The following SKAP2 variants were observed in gnomAD, a reference collection of about 807,000 sequenced individuals.
SKAP2 encodes the protein src kinase-associated phosphoprotein 2.
A neutral mutation model predicts 54.9 loss-of-function variants in SKAP2; 28 were observed. That is an observed-to-expected ratio of 0.51 (90% CI 0.38 to 0.70). The LOEUF is 0.70. SKAP2 is among the 30% of genes least tolerant of loss of function. The pLI is 0.00. For synonymous variants in SKAP2, 137 were observed against 134.3 expected, an observed-to-expected ratio of 1.02 and a Z score of -0.14; for missense variants, 356 against 424.1, an observed-to-expected ratio of 0.84 and a Z score of 1.41.
At chr7:26,758,474 T>C (rs984389881) in intron 4 of SKAP2, among the ~76,000 whole-genome samples, 2 of 152,212 alleles carry the variant, frequency 1.3e-5, no homozygotes, top group African/African-American at 4.8e-5. Flanking sequence ...ACTTTGAGAA[T>C]GTTCACCTAC....
intron 9 of SKAP2, among the ~76,000 whole-genome samples, chr7:26,700,992 C>G (rs1191773547): frequency 6.6e-6 from 1 of 152,216 alleles, no homozygotes; most frequent in Admixed American, 6.5e-5. Context: ...CTCTGGGAAG[C>G]AGCTGGCCTC....
At chr7:26,752,210 T>C (rs940802738) in intron 4 of SKAP2, among the ~76,000 whole-genome samples, 1 of 152,104 alleles carries the variant, frequency 6.6e-6, no homozygotes, top group African/African-American at 2.4e-5. Context: ...CAATAAATTA[T>C]ATGAGCCATT....
chr7:26,779,640 TC>T (rs1783384648), intron 4 of SKAP2, among the ~76,000 whole-genome samples: 1 of 152,060 alleles, frequency 6.6e-6, no homozygotes, highest in South Asian at 2.1e-4. Flanking sequence ...GGGAAAATGT[TC>T]ATGCACGACT....
At chr7:26,761,649 A>G (rs1414289308) in intron 4 of SKAP2, among the ~76,000 whole-genome samples, 1 of 152,114 alleles carries the variant, frequency 6.6e-6, no homozygotes, top group Non-Finnish European at 1.5e-5. Context: ...CACCTGTAAT[A>G]GCACTTTGGG....
In SKAP2 at chr7:26,764,710, CAGTA is replaced by C. The variant is rs1484373160; in HGVS notation, c.308-24750_308-24747del. Reference sequence around the variant, plus strand: ...GCTGCACCCATCAACCCATCATCTACAGTAAGTATTTCTCCTAATATTATCTAAC... The same window carrying C: ...GCTGCACCCATCAACCCATCATCTACAGTATTTCTCCTAATATTATCTAAC... On this transcript the variant is annotated intron_variant, in intron 4 of 12. Transcript: ENST00000345317. Among the ~76,000 whole-genome samples, 4 of 152,074 alleles carry C rather than the reference CAGTA, an allele frequency of 2.6e-5. No individual in the cohort carries two copies. The East Asian group carries it at 7.7e-4, about 29-fold the overall frequency.
intron 4 of SKAP2, among the ~76,000 whole-genome samples, chr7:26,821,637 C>T (rs766542115): frequency 3.3e-5 from 5 of 152,280 alleles, no homozygotes; most frequent in Non-Finnish European, 5.9e-5. Flanking sequence ...TGACTGGATT[C>T]TCAATACTCC....
At position 26,849,775 on chromosome 7, in the gene SKAP2, T is replaced by C. The variant is rs986487853; in HGVS notation, c.199+4362A>G. On this transcript the variant is annotated intron_variant, in intron 3 of 12. Coordinates refer to ENST00000345317, the MANE Select transcript of SKAP2 (RefSeq NM_003930.5). The stretch of plus-strand genomic sequence containing the variant: ...AACATTTGACTAATGCTAATAAATA[T>C]GCCCTTCTTTTAATAATTGATCATT... Among the ~76,000 whole-genome samples, 4 of 151,830 alleles carry C rather than the reference T, an allele frequency of 2.6e-5. 1 individual carries two copies.
At chr7:26,741,196 G>C (rs1176391378) in intron 4 of SKAP2, among the ~76,000 whole-genome samples, 1 of 152,022 alleles carries the variant, frequency 6.6e-6, no homozygotes, top group Non-Finnish European at 1.5e-5. Flanking sequence ...AGTGACTATA[G>C]TCAACAATAA....
At chr7:26,775,164 C>T (rs1783277138) in intron 4 of SKAP2, among the ~76,000 whole-genome samples, 1 of 152,094 alleles carries the variant, frequency 6.6e-6, no homozygotes, top group African/African-American at 2.4e-5. Context: ...CACACCCAAC[C>T]TTATACTTTT....
intron 4 of SKAP2, among the ~76,000 whole-genome samples, chr7:26,839,536 A>T (rs79796622): frequency 0.01 from 1,540 of 152,266 alleles, 13 homozygotes; most frequent in Middle Eastern, 0.041. Context: ...ACAAAAGATA[A>T]TTTTAGGTGT....
intron 4 of SKAP2, among the ~76,000 whole-genome samples, chr7:26,762,103 G>T (rs995106589): frequency 3.6e-4 from 55 of 152,078 alleles, no homozygotes; most frequent in African/African-American, 1.1e-3. Flanking sequence ...TTTAAATTAT[G>T]ATATTGCAAA....
intron 9 of SKAP2, among the ~76,000 whole-genome samples, chr7:26,696,205 A>G (rs1168305973): frequency 2.0e-5 from 3 of 152,208 alleles, no homozygotes; most frequent in African/African-American, 7.2e-5. Context: ...TATTCAATAG[A>G]CTATTATTTT....
intron 11 of SKAP2, among the ~76,000 whole-genome samples, chr7:26,679,426 T>A (rs1417456057): frequency 2.0e-5 from 3 of 152,192 alleles, no homozygotes. Context: ...GGGTACTAAA[T>A]AGGAGGTTGG....
chr7:26,828,724 C>T (rs61354389), intron 4 of SKAP2, among the ~76,000 whole-genome samples: 31,722 of 142,064 alleles, frequency 0.22, 3,437 homozygotes, highest in Middle Eastern at 0.29. Context: ...ATCTTAGACA[C>T]GTCACAAAAG....
intron 3 of SKAP2, among the ~76,000 whole-genome samples, chr7:26,846,809 C>T (rs1033062525): frequency 1.2e-4 from 18 of 152,100 alleles, no homozygotes; most frequent in East Asian, 3.9e-4. Flanking sequence ...GGCAAAACCC[C>T]GTCTCCACTA....
intron 9 of SKAP2, among the ~76,000 whole-genome samples, chr7:26,697,331 T>C (rs532610828): frequency 2.6e-5 from 4 of 152,286 alleles, no homozygotes; most frequent in East Asian, 3.9e-4. Flanking sequence ...AAAGGGAATG[T>C]ATATAGGTTA....
At chr7:26,746,698 A>C (rs879666699) in intron 4 of SKAP2, 2 of 151,048 alleles carry the variant, frequency 1.3e-5, no homozygotes, top group African/African-American at 2.4e-5. Flanking sequence ...TGAAAAAAAT[A>C]GGTTCAATCA....
intron 4 of SKAP2, among the ~76,000 whole-genome samples, chr7:26,773,183 C>T (rs1023905131): frequency 6.6e-6 from 1 of 152,228 alleles, no homozygotes; most frequent in Non-Finnish European, 1.5e-5. Context: ...TTACTGCATG[C>T]ACCCTTACTG....
At chr7:26,709,115 TTTATAC>T (rs1787238856) in intron 9 of SKAP2, among the ~76,000 whole-genome samples, 1 of 152,174 alleles carries the variant, frequency 6.6e-6, no homozygotes, top group South Asian at 2.1e-4. Context: ...GTTACTGTCT[TTTATAC>T]TTATAAGTAT....
Sources: allele counts gnomAD v4.1 joint callset (sites outside exome capture counted in the v4.1 genomes callset), GRCh38; gene constraint gnomAD v4.1.1; transcripts MANE v1.5; gene names NCBI Gene and HGNC (gene_info 2026-07-23, HGNC 2026-07-21).